RBFOX1: variants seen among roughly 807,000 people sequenced by gnomAD.
The protein encoded by RBFOX1 is RNA binding protein fox-1 homolog 1.
Under a neutral mutation model 57.7 loss-of-function variants are expected in RBFOX1, and 8 were observed. That is an observed-to-expected ratio of 0.14 (90% CI 0.08 to 0.25). The LOEUF is 0.25. RBFOX1 is among the 10% of genes least tolerant of loss of function. The pLI is 1.00. For synonymous variants in RBFOX1, 326 were observed against 222.4 expected, an observed-to-expected ratio of 1.47 and a Z score of -4.15; for missense variants, 611 against 548.5, an observed-to-expected ratio of 1.11 and a Z score of -1.14.
chr16:7,123,222 A>G (rs1035066859), intron 4 of RBFOX1, among the ~76,000 whole-genome samples: 10 of 152,178 alleles, frequency 6.6e-5, no homozygotes, highest in African/African-American at 2.4e-4. Context: ...ATGCAAGCCC[A>G]TAGATTATAT....
intron 1 of RBFOX1, among the ~76,000 whole-genome samples, chr16:6,233,600 C>A (rs752539435): frequency 1.8e-4 from 28 of 152,100 alleles, no homozygotes; most frequent in Admixed American, 4.6e-4. Context: ...CTCCACACCA[C>A]ACCAGTCGCC....
chr16:5,341,284 G>A (rs1369304220), intron 1 of RBFOX1, among the ~76,000 whole-genome samples: 2 of 150,536 alleles, frequency 1.3e-5, no homozygotes, highest in Admixed American at 1.3e-4. Context: ...TTTGGGATAG[G>A]GAATGGCATG....
At position 6,073,845 on chromosome 16, in the gene RBFOX1, G is replaced by T. The variant is rs373148887; in HGVS notation, c.-127+53853G>T. Among the ~76,000 whole-genome samples the T allele has an allele frequency of 2.7e-3, 405 of 152,238 alleles. 4 individuals carry two copies. The highest frequency in any genetic ancestry group is 9.2e-3 in the African/African-American group (384 of 41,536). On this transcript the variant is annotated intron_variant, in intron 1 of 15. Coordinates refer to ENST00000550418, the MANE Select transcript of RBFOX1 (RefSeq NM_018723.4). ...CTGCAGGTGATAGAAAAGCAATTCA[G>T]CAAGGTTAAATGAAATAGAAATTGG...
At chr16:5,859,166 C>T (rs530883084) in intron 3 of RBFOX1, among the ~76,000 whole-genome samples, 6 of 152,156 alleles carry the variant, frequency 3.9e-5, no homozygotes, top group African/African-American at 9.7e-5. Context: ...GATCACGCCA[C>T]GGCACTCCAG....
intron 4 of RBFOX1, among the ~76,000 whole-genome samples, chr16:5,868,284 T>C (rs1412895775): frequency 3.3e-5 from 5 of 152,218 alleles, no homozygotes; most frequent in Non-Finnish European, 5.9e-5. Context: ...CGTCCAGTGT[T>C]GCATTATTGG....
chr16:6,656,440 C>G (rs910150231), intron 3 of RBFOX1, among the ~76,000 whole-genome samples: 2 of 152,132 alleles, frequency 1.3e-5, no homozygotes, highest in African/African-American at 2.4e-5. Flanking sequence ...GTCACCCAAG[C>G]TCCACTCCAC....
At chr16:5,860,302 G>A (rs2057180250) in intron 3 of RBFOX1, among the ~76,000 whole-genome samples, 1 of 152,058 alleles carries the variant, frequency 6.6e-6, no homozygotes, top group Non-Finnish European at 1.5e-5. Flanking sequence ...AGGCTGGTCA[G>A]GAGACCTCGT....
chr16:6,684,946 A>C (rs2059203239), intron 3 of RBFOX1, among the ~76,000 whole-genome samples: 1 of 152,132 alleles, frequency 6.6e-6, no homozygotes, highest in East Asian at 1.9e-4. Flanking sequence ...ACTTAGGGTG[A>C]TCTTCAATTA....
intron 2 of RBFOX1, among the ~76,000 whole-genome samples, chr16:5,548,174 AATATAT>A (rs71142629): frequency 2.3e-3 from 76 of 33,556 alleles, no homozygotes; most frequent in East Asian, 8.0e-3. Context: ...AAAAAAAAAA[AATATAT>A]ATATATATAT....
At chr16:5,538,538 G>C (rs1280412254) in intron 2 of RBFOX1, among the ~76,000 whole-genome samples, 1 of 152,008 alleles carries the variant, frequency 6.6e-6, no homozygotes, top group African/African-American at 2.4e-5. Flanking sequence ...GTTTTTCGCA[G>C]AGTCTTCTGT....
chr16:7,038,431 T>C (rs34259345), intron 3 of RBFOX1, among the ~76,000 whole-genome samples: 13,719 of 152,202 alleles, frequency 0.09, 1,015 homozygotes, highest in East Asian at 0.32. Flanking sequence ...TCCTCTGCCT[T>C]GGTTCACAAA....
At chr16:7,607,521 G>A (rs750762639) in intron 10 of RBFOX1, among the ~76,000 whole-genome samples, 183 bp downstream of exon 10, 2 of 152,152 alleles carry the variant, frequency 1.3e-5, no homozygotes, top group Non-Finnish European at 2.9e-5. Context: ...CAAGGGAATC[G>A]TCTAAGTTTC....
intron 1 of RBFOX1, among the ~76,000 whole-genome samples, chr16:5,389,239 A>G (rs1366059871): frequency 1.3e-5 from 2 of 152,008 alleles, no homozygotes; most frequent in East Asian, 3.9e-4. Flanking sequence ...TTTTGTGAAA[A>G]TTTCAAAGAA....
At chr16:6,202,718 G>A (rs1212068483) in intron 1 of RBFOX1, among the ~76,000 whole-genome samples, 1 of 152,066 alleles carries the variant, frequency 6.6e-6, no homozygotes, top group East Asian at 1.9e-4. Flanking sequence ...CTGTATATTT[G>A]TATTTATCCA....
chr16:7,106,076 C>G (rs373429912), intron 4 of RBFOX1, among the ~76,000 whole-genome samples: 59 of 152,126 alleles, frequency 3.9e-4, no homozygotes, highest in African/African-American at 1.4e-3. Flanking sequence ...ATTCAGTACC[C>G]CCACCTCCTG....
At chr16:5,839,457 C>A (rs1159816110) in intron 3 of RBFOX1, among the ~76,000 whole-genome samples, 1 of 152,162 alleles carries the variant, frequency 6.6e-6, no homozygotes, top group Non-Finnish European at 1.5e-5. Context: ...GGTCCTGATT[C>A]ACCAGATGCA....
At chr16:6,543,867 A>G (rs55840189) in intron 2 of RBFOX1, among the ~76,000 whole-genome samples, 43,497 of 152,108 alleles carry the variant, frequency 0.29, 7,249 homozygotes, top group Middle Eastern at 0.43. Context: ...CCAAAAGAAG[A>G]AGAAGGGGAA....
chr16:5,382,665 A>G (rs1256128417), intron 1 of RBFOX1, among the ~76,000 whole-genome samples: 1 of 152,222 alleles, frequency 6.6e-6, no homozygotes, highest in Non-Finnish European at 1.5e-5. Context: ...AACAGCTTCA[A>G]TGAAATTGTG....
intron 3 of RBFOX1, among the ~76,000 whole-genome samples, chr16:5,641,475 G>T (rs919082129): frequency 6.6e-6 from 1 of 152,228 alleles, no homozygotes; most frequent in Non-Finnish European, 1.5e-5. Context: ...TAGGATAAGG[G>T]TAAGTAGAAA....
Sources: gnomAD v4.1 joint callset for allele counts (sites outside exome capture counted in the v4.1 genomes callset) on GRCh38, gnomAD v4.1.1 for gene constraint, MANE v1.5 for transcripts, NCBI Gene and HGNC (gene_info 2026-07-23, HGNC 2026-07-21) for gene names.